Variants in NTM observed in about 807,000 individuals in gnomAD.
NTM encodes the protein IgLON family member 2.
NTM carries 13 observed loss-of-function variants against 42.1 expected under a neutral mutation model. That is an observed-to-expected ratio of 0.31 (90% CI 0.20 to 0.49). NTM has a LOEUF of 0.49. Among genes scored for constraint, NTM ranks in the 20% least tolerant of loss-of-function variants. The pLI, the probability that NTM is intolerant of heterozygous loss-of-function variation, is 0.99. For missense variants in NTM, 373 were observed against 452.8 expected (o/e 0.82, Z 1.60); for synonymous variants, 187 against 179.2 (o/e 1.04, Z -0.35).
chr11:131,940,947 A>C (rs532716371), intron 2 of NTM, among the ~76,000 whole-genome samples: 1 of 152,364 alleles, frequency 6.6e-6, no homozygotes, highest in East Asian at 1.9e-4. Flanking sequence ...AAATGATAAA[A>C]TTTATCAAAG....
chr11:131,645,381 C>G (rs568492588), intron 1 of NTM, among the ~76,000 whole-genome samples: 1 of 152,156 alleles, frequency 6.6e-6, no homozygotes, highest in South Asian at 2.1e-4. Flanking sequence ...GAGTCAGACA[C>G]CAGTGGCTGG....
At chr11:132,086,248 C>T (rs2059689131) in intron 2 of NTM, among the ~76,000 whole-genome samples, 1 of 147,140 alleles carries the variant, frequency 6.8e-6, no homozygotes, top group South Asian at 2.1e-4. Context: ...GACATGAACC[C>T]AGGAGGCGGA....
chr11:131,895,691 T>A, intron 1 of NTM, among the ~76,000 whole-genome samples: 2 of 148,548 alleles, frequency 1.3e-5, no homozygotes. Flanking sequence ...TACATATATA[T>A]GTGTGTGTGT....
At chr11:131,624,474 A>G (rs932862020) in intron 1 of NTM, among the ~76,000 whole-genome samples, 4 of 152,086 alleles carry the variant, frequency 2.6e-5, no homozygotes, top group African/African-American at 9.7e-5. Context: ...GTGGCCTCAT[A>G]AGCCAGGGAC....
chr11:132,143,519 C>T (rs907319303), intron 2 of NTM, among the ~76,000 whole-genome samples: 2 of 152,180 alleles, frequency 1.3e-5, no homozygotes, highest in African/African-American at 4.8e-5. Flanking sequence ...GTCAATATGG[C>T]TAATGTTTTT....
intron 2 of NTM, among the ~76,000 whole-genome samples, chr11:131,992,547 G>A (rs980004029): frequency 2.0e-5 from 3 of 151,852 alleles, no homozygotes; most frequent in African/African-American, 4.8e-5. Context: ...ATCGCATCAG[G>A]GACCTCAATT....
chr11:131,862,546 TG>T (rs1173135325), intron 1 of NTM, among the ~76,000 whole-genome samples: 1 of 152,250 alleles, frequency 6.6e-6, no homozygotes, highest in African/African-American at 2.4e-5. Flanking sequence ...AATCGAGGGT[TG>T]TTTTTTATTT....
chr11:131,674,546 T>C (rs1307419818), intron 1 of NTM, among the ~76,000 whole-genome samples: 1 of 152,214 alleles, frequency 6.6e-6, no homozygotes, highest in East Asian at 1.9e-4. Context: ...CTGGTATCAG[T>C]CGGGCAAGCG....
chr11:131,879,280 G>A (rs1295892867), intron 1 of NTM, among the ~76,000 whole-genome samples: 1 of 152,122 alleles, frequency 6.6e-6, no homozygotes, highest in Non-Finnish European at 1.5e-5. Flanking sequence ...GTGATGCTGT[G>A]CTTTCTTGGG....
chr11:131,663,898 A>C (rs1376103634), intron 1 of NTM, among the ~76,000 whole-genome samples: 1 of 152,196 alleles, frequency 6.6e-6, no homozygotes, highest in Non-Finnish European at 1.5e-5. Flanking sequence ...CGATGAGATA[A>C]TTTGCCCAAG....
chr11:131,887,369 G>T (rs2050578999), intron 1 of NTM, among the ~76,000 whole-genome samples: 1 of 152,188 alleles, frequency 6.6e-6, no homozygotes, highest in Non-Finnish European at 1.5e-5. Context: ...AGTGAATCCT[G>T]ATTTCTAACA....
chr11:132,293,570 T>A (rs1030870479), intron 4 of NTM, among the ~76,000 whole-genome samples: 2 of 151,948 alleles, frequency 1.3e-5, no homozygotes, highest in African/African-American at 4.8e-5. Context: ...CTACAGGAAA[T>A]CATAGATGAC....
intron 4 of NTM, among the ~76,000 whole-genome samples, chr11:132,220,350 A>G (rs1425012878): frequency 6.6e-6 from 1 of 152,256 alleles, no homozygotes; most frequent in African/African-American, 2.4e-5. Flanking sequence ...TAACTCTGTC[A>G]TTCTCTTTAA....
At chr11:131,477,975 C>A (rs1953129917) in intron 1 of NTM, among the ~76,000 whole-genome samples, 1 of 152,078 alleles carries the variant, frequency 6.6e-6, no homozygotes, top group Non-Finnish European at 1.5e-5. Flanking sequence ...CACACAGTGA[C>A]TTTCTGGCCC....
At chr11:131,391,240 G>A (rs1943949307) in intron 1 of NTM, among the ~76,000 whole-genome samples, 2 of 152,128 alleles carry the variant, frequency 1.3e-5, no homozygotes, top group Non-Finnish European at 2.9e-5. Flanking sequence ...TCCTGAGTCT[G>A]TACCCTTATT....
At chr11:131,970,492 C>T (rs2063389172) in intron 2 of NTM, among the ~76,000 whole-genome samples, 1 of 152,208 alleles carries the variant, frequency 6.6e-6, no homozygotes, top group Non-Finnish European at 1.5e-5. Context: ...TGATTCCTAG[C>T]TGAATGTTCA....
At chr11:131,858,726 G>T (rs1365667191) in intron 1 of NTM, among the ~76,000 whole-genome samples, 1 of 152,172 alleles carries the variant, frequency 6.6e-6, no homozygotes, top group East Asian at 1.9e-4. Context: ...AATTGCTCTC[G>T]TCTGAATCCT....
At chr11:132,108,689 T>TA (rs1281209239) in intron 2 of NTM, among the ~76,000 whole-genome samples, 3 of 151,914 alleles carry the variant, frequency 2.0e-5, no homozygotes, top group African/African-American at 4.8e-5. Flanking sequence ...AATAAAAAAT[T>TA]TAAAAAAAAT....
chr11:131,699,457 A>G (rs554512574), intron 1 of NTM, among the ~76,000 whole-genome samples: 2 of 152,238 alleles, frequency 1.3e-5, no homozygotes, highest in African/African-American at 4.8e-5. Flanking sequence ...CATCAAATAC[A>G]GATGAATGGC....
Sources: allele counts gnomAD v4.1 joint callset (sites outside exome capture counted in the v4.1 genomes callset), GRCh38; gene constraint gnomAD v4.1.1; transcripts MANE v1.5; gene names NCBI Gene and HGNC (gene_info 2026-07-23, HGNC 2026-07-21).